MYO5C: variants seen among roughly 807,000 people sequenced by gnomAD.
MYO5C encodes the protein unconventional myosin-Vc.
MYO5C carries 194 observed loss-of-function variants against 235.7 expected under a neutral mutation model. That is an observed-to-expected ratio of 0.82 (90% confidence interval 0.73 to 0.93). The LOEUF (loss-of-function observed/expected upper bound fraction) is 0.93. Ranked by LOEUF, MYO5C falls within the 40% of genes least tolerant of loss-of-function variation. The pLI is 0.00. For synonymous variants in MYO5C, 707 were observed against 754.8 expected (o/e 0.94, Z 1.04); for missense variants, 2,038 against 2,127.2 (o/e 0.96, Z 0.82).
chr15:52,264,055 C>T (rs1296823262), intron 9 of MYO5C, 135 bp downstream of exon 9: 15 of 615,208 alleles, frequency 2.4e-5, no homozygotes, highest in African/African-American at 1.1e-4. Flanking sequence ...AAACCCTTGC[C>T]GCCTGCCTCC....
intron 8 of MYO5C, 114 bp from the exon 9 acceptor site, chr15:52,264,410 A>T: frequency 1.2e-6 from 1 of 812,960 alleles, no homozygotes; most frequent in Non-Finnish European, 2.0e-6. Context: ...GCTCTGGGAC[A>T]GGAACGTGAA....
At chr15:52,271,006 CTA>C (rs967918830) in intron 7 of MYO5C, among the ~76,000 whole-genome samples, 24 of 152,216 alleles carry the variant, frequency 1.6e-4, no homozygotes, top group Admixed American at 8.5e-4. Flanking sequence ...ACAAACAGCC[CTA>C]TGTTTTAGCC....
In MYO5C at chr15:52,247,446, C is replaced by A; in HGVS notation, c.1881+12G>T. The A allele has an allele frequency of 6.2e-7, 1 of 1,613,660 alleles. No individual in the cohort carries two copies. The highest frequency in any genetic ancestry group is 8.5e-7 in the Non-Finnish European group (1 of 1,179,774). On this transcript the variant is annotated intron_variant, in intron 15 of 40. Transcript: ENST00000261839. ...CCTTTAGACCCCTCACTCTCAAACACCTTCTCAGTACCTTGCTCCCAACTG... is the reference window on the plus strand; with the variant it reads ...CCTTTAGACCCCTCACTCTCAAACAACTTCTCAGTACCTTGCTCCCAACTG...
chr15:52,295,610 C>T lies in MYO5C; in HGVS notation c.27G>A (p.Gln9=). The change falls in exon 1 of 41, where the codon CAG becomes CAA. Residue 9 remains glutamine (Q), a splice_region_variant and synonymous_variant. Transcript: ENST00000261839. ...CCAGGAGCCCAGCGGACCCTCCTAC[C>T]TGCGTGTACAGCTCGGCCACCGCCA... MAVAELYT[Q]YNRVWIPDPE... 2 of 1,493,544 alleles carry T rather than the reference C, an allele frequency of 1.3e-6. No individual in the cohort carries two copies. Among genetic ancestry groups the T allele is most frequent in the Non-Finnish European group, 1.8e-6 (2 of 1,124,342 alleles). 92.5% of individuals were successfully genotyped at this position (1,493,544 alleles called of 1,614,324 possible).
At chr15:52,278,833 T>A in intron 4 of MYO5C, 40 bp downstream of exon 4, 1 of 1,609,236 alleles carries the variant, frequency 6.2e-7, no homozygotes, top group Non-Finnish European at 8.5e-7. Context: ...GCAGGGAGCA[T>A]TGGCAGAGCA....
At chr15:52,287,959 T>C (rs778016822) in intron 1 of MYO5C, among the ~76,000 whole-genome samples, 20 of 149,872 alleles carry the variant, frequency 1.3e-4, no homozygotes, top group Admixed American at 1.1e-3. Context: ...CTGGGTGACA[T>C]GCGTGAAACT....
In MYO5C at chr15:52,271,840, T is replaced by G. The variant is rs901515557; in HGVS notation, c.755A>C (p.Glu252Ala). Residue 252 changes from glutamate to alanine, a missense_variant, in exon 7 of 41, where the codon GAA becomes GCA. Glu to Ala is a moderately radical substitution (Grantham distance 107, BLOSUM62 -1). Coordinates refer to ENST00000261839, the MANE Select transcript of MYO5C (RefSeq NM_018728.4). The part of the protein sequence containing the change: ...LEKSRVVFQS[E>A]NERNYHIFYQ... ...GAAAATGTGGTAATTTCGTTCATTTTCCGACTGTAAGATAAAGAAATGTCC... is the reference window on the plus strand; with the variant it reads ...GAAAATGTGGTAATTTCGTTCATTTGCCGACTGTAAGATAAAGAAATGTCC... The G allele has an allele frequency of 8.2e-6, 13 of 1,587,668 alleles. No homozygotes were observed. Among genetic ancestry groups the G allele is most frequent in the Non-Finnish European group, 7.7e-6 (9 of 1,161,976 alleles).
chr15:52,221,349 C>T, intron 29 of MYO5C, 94 bp from the exon 30 acceptor site: 2 of 851,422 alleles, frequency 2.3e-6, no homozygotes, highest in Non-Finnish European at 3.6e-6. Context: ...TGGTGTTCAG[C>T]CTGCAGAACA....
chr15:52,250,287 G>A (rs867937020), intron 13 of MYO5C, among the ~76,000 whole-genome samples: 3 of 147,818 alleles, frequency 2.0e-5, no homozygotes, highest in South Asian at 2.1e-4. Context: ...CTGTCAGCCA[G>A]GCTGGAGTGC....
At chr15:52,272,465 A>C (rs1448162597) in intron 6 of MYO5C, 115 bp downstream of exon 6, 1 of 1,022,496 alleles carries the variant, frequency 9.8e-7, no homozygotes, top group Non-Finnish European at 1.4e-6. Flanking sequence ...AATGAAAGAC[A>C]AGAAAACCCT....
chr15:52,287,166 AG>A (rs2037293753), intron 1 of MYO5C, among the ~76,000 whole-genome samples: 1 of 151,698 alleles, frequency 6.6e-6, no homozygotes, highest in African/African-American at 2.4e-5. Context: ...CTTAACAGCT[AG>A]CAAAAAGCAG....
At position 52,233,151 on chromosome 15, in the gene MYO5C, C is replaced by T. The variant is rs1215226554; in HGVS notation, c.2963-466G>A. 3.4e-4 allele frequency among the ~76,000 whole-genome samples: 14 copies of T among 40,734 alleles called. 4 individuals carry two copies. The highest frequency in any genetic ancestry group is 6.1e-4 in the African/African-American group (14 of 22,988). The allele number at this position is 40,734 out of a possible 152,430, so 26.7% of individuals were successfully genotyped here. A position where few individuals can be genotyped will look rare whatever the true frequency, so the allele number is the denominator to read the frequency against. ...AAAATTAGCCGGGCGTAGTGGCGGG[C>T]GCCTGTAGTCCCAGCTACTTGGGAG... On this transcript the variant is annotated intron_variant, in intron 23 of 40. Coordinates refer to ENST00000261839, the MANE Select transcript of MYO5C (RefSeq NM_018728.4).
At chr15:52,261,486 T>C (rs1483188520) in intron 9 of MYO5C, among the ~76,000 whole-genome samples, 3 of 152,238 alleles carry the variant, frequency 2.0e-5, no homozygotes, top group Non-Finnish European at 2.9e-5. Flanking sequence ...TGCAGCCCTC[T>C]CTCTTCCCTT....
rs1330208669 is a variant in MYO5C, at chr15:52,193,975, G to A, written c.5156C>T (p.Thr1719Ile). ...KYLFQVTFPF[T>I]PSPHALEMIQ... ...CATTTCCAGAGCATGTGGAGAGGGGGTAAAAGGAAATGTGACTTGAAAGAG... is the reference window on the plus strand; with the variant it reads ...CATTTCCAGAGCATGTGGAGAGGGGATAAAAGGAAATGTGACTTGAAAGAG... The change falls in exon 41 of 41, where the codon ACC becomes ATC. Residue 1719 changes from threonine to isoleucine, a missense_variant. Transcript: ENST00000261839. The A allele has an allele frequency of 1.2e-6, 2 of 1,613,608 alleles. No individual in the cohort carries two copies. Among genetic ancestry groups the A allele is most frequent in the Non-Finnish European group, 1.7e-6 (2 of 1,179,874 alleles).
intron 39 of MYO5C, 68 bp downstream of exon 39, chr15:52,196,241 G>A (rs71472929): frequency 8.2e-6 from 12 of 1,460,286 alleles, no homozygotes; most frequent in Non-Finnish European, 1.1e-5. Context: ...GCTAAACCAA[G>A]AAAGGCAATG....
Position 52,201,837 on chromosome 15 carries a change from T to C in MYO5C, c.4820+3028A>G, listed in dbSNP as rs150385082. Reference sequence around the variant, plus strand: ...CCACTTGATGTGGTAAGATATTGATTCTAAATAGACTGTGAAAAGTTAAGT... The same window carrying C: ...CCACTTGATGTGGTAAGATATTGATCCTAAATAGACTGTGAAAAGTTAAGT... On this transcript the variant is annotated intron_variant, in intron 38 of 40. Coordinates refer to ENST00000261839, the MANE Select transcript of MYO5C (RefSeq NM_018728.4). Among the ~76,000 whole-genome samples the C allele has an allele frequency of 8.4e-4, 127 of 151,752 alleles. 1 individual carries two copies. The highest frequency in any genetic ancestry group is 2.8e-3 in the African/African-American group (117 of 41,394).
At chr15:52,293,400 G>A (rs2037434155) in intron 1 of MYO5C, among the ~76,000 whole-genome samples, 1 of 152,062 alleles carries the variant, frequency 6.6e-6, no homozygotes, top group African/African-American at 2.4e-5. Flanking sequence ...CCACCTCTGG[G>A]CAGAAGACCC....
At chr15:52,282,682 C>A in intron 2 of MYO5C, 100 bp downstream of exon 2, 1 of 819,662 alleles carries the variant, frequency 1.2e-6, no homozygotes, top group South Asian at 1.4e-5. Flanking sequence ...GTGCGCCCTC[C>A]CCTGGGTGCC....
At chr15:52,205,381 C>T in intron 37 of MYO5C, 1 of 528,572 alleles carries the variant, frequency 1.9e-6, no homozygotes, top group Middle Eastern at 5.0e-4. Context: ...TTTGAAGCAG[C>T]ACGTTTTTCA....
Sources: allele counts gnomAD v4.1 joint callset (sites outside exome capture counted in the v4.1 genomes callset), GRCh38; gene constraint gnomAD v4.1.1; transcripts MANE v1.5; gene names NCBI Gene and HGNC (gene_info 2026-07-23, HGNC 2026-07-21).